SNAP91: variants seen among roughly 807,000 people sequenced by gnomAD.
SNAP91 encodes the protein synaptosome associated protein 91, also known as clathrin coat assembly protein AP180.
In SNAP91, 27 loss-of-function variants were observed where a neutral mutation model predicts 100.3. That is an observed-to-expected ratio of 0.27 (90% confidence interval 0.20 to 0.37). The LOEUF (loss-of-function observed/expected upper bound fraction) is 0.37, where lower values mean the gene tolerates loss of function less well. SNAP91 is among the 10% of genes least tolerant of loss of function. The pLI is 1.00. For missense variants in SNAP91, 986 were observed against 1,123.7 expected (o/e 0.88, Z 1.75); for synonymous variants, 404 against 398.6 (o/e 1.01, Z -0.16).
At chr6:83,562,806 G>T (rs750599839) in intron 26 of SNAP91, among the ~76,000 whole-genome samples, 10 of 152,080 alleles carry the variant, frequency 6.6e-5, no homozygotes, top group Non-Finnish European at 1.3e-4. Context: ...CCCAATAAAG[G>T]CCTTGGCCCA....
chr6:83,662,277 T>A (rs1261819601), intron 4 of SNAP91, 70 bp downstream of exon 4: 2 of 546,248 alleles, frequency 3.7e-6, no homozygotes, highest in Non-Finnish European at 6.2e-6. Context: ...GTTGCAATGA[T>A]TTTGGATTAA....
In SNAP91 at chr6:83,662,356, C is replaced by T; in HGVS notation, c.340G>A (p.Gly114Arg). 2 of 1,424,894 alleles carry T rather than the reference C, an allele frequency of 1.4e-6. No homozygotes were observed. Among genetic ancestry groups the T allele is most frequent in the East Asian group, 2.6e-5 (1 of 39,154 alleles). 88.3% of individuals were successfully genotyped at this position (1,424,894 alleles called of 1,614,324 possible). The part of the protein sequence containing the change: ...FNLSNFLDKS[G>R]SHGYDMSTFI... ...ATACAAATATTCTCACCATGGGATC[C>T]ACTTTTGTCCAAAAAATTGCTGAGA... The change falls in exon 4 of 30, where the codon GGA becomes AGA. Residue 114 changes from glycine (G) to arginine (R), a missense_variant. Physicochemically the swap from Gly to Arg is moderately radical, Grantham distance 125 (BLOSUM62 -2). This residue lies in a region of SNAP91 where 330 missense variants were observed against 447.5 expected (regional missense o/e 0.74). Transcript: ENST00000369694.
intron 2 of SNAP91, among the ~76,000 whole-genome samples, chr6:83,672,349 T>C (rs2098799636): frequency 2.0e-5 from 3 of 152,088 alleles, no homozygotes; most frequent in Admixed American, 2.0e-4. Flanking sequence ...AGAGGCCTAG[T>C]TCACAATCTC....
rs141735104 is a variant in SNAP91, at chr6:83,671,220, C to T, written c.131-5639G>A. Among the ~76,000 whole-genome samples, 176 of 152,166 alleles carry T rather than the reference C, an allele frequency of 1.2e-3. 2 individuals are homozygous for T. Among genetic ancestry groups the T allele is most frequent in the Admixed American group, 7.5e-3 (114 of 15,254 alleles). On this transcript the variant is annotated intron_variant, in intron 2 of 29. Coordinates refer to ENST00000369694, the MANE Select transcript of SNAP91 (RefSeq NM_001242792.2). ...TTCTTTTCAGTACATCAGTCTTACA[C>T]ATATTTTGCCAGATGCATTCCTAAT...
At chr6:83,658,962 T>C (rs761809772) in intron 6 of SNAP91, 37 bp downstream of exon 6, 2 of 1,450,344 alleles carry the variant, frequency 1.4e-6, no homozygotes, top group South Asian at 1.2e-5. Context: ...AAGACAACAT[T>C]GATTGTGTAT....
chr6:83,704,413 G>A (rs937231388), intron 2 of SNAP91, among the ~76,000 whole-genome samples: 7 of 152,032 alleles, frequency 4.6e-5, no homozygotes, highest in Admixed American at 4.6e-4. Flanking sequence ...ATTAGGTGCT[G>A]TCACTGAAAA....
intron 28 of SNAP91, among the ~76,000 whole-genome samples, chr6:83,559,750 C>A (rs1443628153): frequency 1.3e-5 from 2 of 152,206 alleles, no homozygotes; most frequent in African/African-American, 4.8e-5. Context: ...GTCTGGAGGA[C>A]TGTGCTGCCA....
At chr6:83,583,424 A>AG (rs1223455545) in intron 22 of SNAP91, among the ~76,000 whole-genome samples, 1 of 152,228 alleles carries the variant, frequency 6.6e-6, no homozygotes, top group African/African-American at 2.4e-5. Context: ...ATAAAAGGTG[A>AG]GGACAAATCA....
rs1033044029 is a variant in SNAP91, at chr6:83,590,001, G to A, written c.2014+1210C>T. The stretch of plus-strand genomic sequence containing the variant: ...AGGTCTACATGGCTAGCACTAGCAC[G>A]GTATTTAAGATGCAAGACTTCAGAC... On this transcript the variant is annotated intron_variant, in intron 22 of 29. Transcript: ENST00000369694. Among the ~76,000 whole-genome samples the A allele has an allele frequency of 4.6e-5, 7 of 152,100 alleles. No individual in the cohort carries two copies. The South Asian group carries it at 1.0e-3, about 23-fold the overall frequency.
intron 7 of SNAP91, among the ~76,000 whole-genome samples, chr6:83,655,950 G>A (rs1344553916): frequency 1.3e-5 from 2 of 152,168 alleles, no homozygotes; most frequent in African/African-American, 4.8e-5. Context: ...ACCTGGAAGT[G>A]AAAAGCTGAA....
At chr6:83,659,431 T>C (rs2098485508) in intron 5 of SNAP91, among the ~76,000 whole-genome samples, 1 of 149,762 alleles carries the variant, frequency 6.7e-6, no homozygotes, top group African/African-American at 2.5e-5. Flanking sequence ...TCTTCTTTTT[T>C]TTTTTTTTTT....
intron 9 of SNAP91, among the ~76,000 whole-genome samples, chr6:83,622,897 T>C (rs1268854826): frequency 6.6e-6 from 1 of 152,102 alleles, no homozygotes; most frequent in East Asian, 1.9e-4. Context: ...TGGGTCTCCT[T>C]CATATCTGGG....
intron 2 of SNAP91, among the ~76,000 whole-genome samples, chr6:83,703,363 A>G (rs1344534723): frequency 2.0e-5 from 3 of 152,116 alleles, no homozygotes; most frequent in African/African-American, 7.2e-5. Flanking sequence ...CTAAATTATC[A>G]CAAATATAAA....
intron 26 of SNAP91, among the ~76,000 whole-genome samples, chr6:83,561,220 T>A (rs1787050626): frequency 6.6e-6 from 1 of 152,064 alleles, no homozygotes; most frequent in South Asian, 2.1e-4. Flanking sequence ...TTTTTAAAAA[T>A]TTTTTTGTAG....
intron 12 of SNAP91, among the ~76,000 whole-genome samples, chr6:83,609,946 A>C (rs1383873683): frequency 1.3e-5 from 2 of 152,324 alleles, no homozygotes; most frequent in African/African-American, 4.8e-5. Flanking sequence ...AATCTCTCCA[A>C]CTTTAAAAAT....
At chr6:83,701,630 G>A (rs902061976) in intron 2 of SNAP91, among the ~76,000 whole-genome samples, 11 of 151,990 alleles carry the variant, frequency 7.2e-5, no homozygotes, top group African/African-American at 2.4e-4. Context: ...TGTATTTTTA[G>A]TAGAGACGGG....
chr6:83,612,371 AT>A (rs1163932023), intron 11 of SNAP91, among the ~76,000 whole-genome samples: 1 of 152,098 alleles, frequency 6.6e-6, no homozygotes, highest in Non-Finnish European at 1.5e-5. Flanking sequence ...CACTTCCACT[AT>A]TTTTTCCCTT....
rs1285561772 is a variant in SNAP91 at position 83,594,411 on chromosome 6, G to A, written c.1395C>T (p.Thr465=). 12 of 1,553,318 alleles carry A rather than the reference G, an allele frequency of 7.7e-6. No individual in the cohort carries two copies. The highest frequency in any genetic ancestry group is 1.0e-5 in the Non-Finnish European group (12 of 1,147,770). ...ATGCATCAAGTGCTGCTGCTACAGG[G>A]GTTGGGGTAGCTGGTGCGGCGGCCC... ...SEGAAAPATP[T]PVAAALDACS... The change falls in exon 17 of 30, where the codon ACC becomes ACT. Residue 465 remains threonine (T), a synonymous_variant. Transcript: ENST00000369694.
chr6:83,648,417 A>C (rs2098050286), intron 7 of SNAP91, among the ~76,000 whole-genome samples: 1 of 151,600 alleles, frequency 6.6e-6, no homozygotes, highest in Non-Finnish European at 1.5e-5. Context: ...TTGAACATTC[A>C]TGTGCTAGTC....
Sources: allele counts gnomAD v4.1 joint callset (sites outside exome capture counted in the v4.1 genomes callset), GRCh38; gene constraint gnomAD v4.1.1; regional missense constraint gnomAD v4.1.1; transcripts MANE v1.5; gene names NCBI Gene and HGNC (gene_info 2026-07-23, HGNC 2026-07-21).